ZFYVE26: variants seen among roughly 807,000 people sequenced by gnomAD.
The protein encoded by ZFYVE26 is zinc finger FYVE domain-containing protein 26.
In ZFYVE26, 181 loss-of-function variants were observed where a neutral mutation model predicts 276.5. That is an observed-to-expected ratio of 0.65 (90% CI 0.58 to 0.74). The LOEUF (loss-of-function observed/expected upper bound fraction) is 0.74, where lower values mean the gene tolerates loss of function less well. Among genes scored for constraint, ZFYVE26 ranks in the 30% least tolerant of loss-of-function variants. The pLI is 0.00. For synonymous variants in ZFYVE26, 1,129 were observed against 1,203.1 expected, an observed-to-expected ratio of 0.94 and a Z score of 1.27; for missense variants, 2,821 against 3,097.9, an observed-to-expected ratio of 0.91 and a Z score of 2.12.
chr14:67,797,891 G>T, intron 11 of ZFYVE26, 123 bp downstream of exon 11: 1 of 1,581,658 alleles, frequency 6.3e-7, no homozygotes, highest in Non-Finnish European at 8.6e-7. Flanking sequence ...GACACTGGTT[G>T]CCATGGTGAC....
Position 67,783,195 on chromosome 14 carries a change from G to A in ZFYVE26, c.3957C>T (p.Ala1319=), listed in dbSNP as rs2140223360. 1.2e-6 allele frequency: 2 copies of A among 1,612,248 alleles called. No individual in the cohort carries two copies. The highest frequency in any genetic ancestry group is 1.7e-6 in the Non-Finnish European group (2 of 1,178,716). ...TTAACCTCGGGGAAGCCCCCAGGCA[G>A]GCCACCGTAGCTAGGAGCTTTGAGC... ...KSRSKLLATV[A]CLGASPRLKV... The change falls in exon 21 of 42, where the codon GCC becomes GCT. Residue 1319 remains alanine (A), a synonymous_variant. Coordinates refer to ENST00000347230, the MANE Select transcript of ZFYVE26 (RefSeq NM_015346.4).
rs1222275315 is a variant in ZFYVE26, at chr14:67,783,029, C to T, written c.4123G>A (p.Glu1375Lys). 1.2e-6 allele frequency: 2 copies of T among 1,614,186 alleles called. No individual in the cohort carries two copies. Among genetic ancestry groups the T allele is most frequent in the South Asian group, 1.1e-5 (1 of 91,084 alleles). ...LFEAFLLAAW[E>K]PLRGSLQQGQ... ...TGCTGCAAAGACCCTCGCAGGGGCT[C>T]CCAGGCAGCCAGGAGGAAGGCCTCA... The change falls in exon 21 of 42, where the codon GAG becomes AAG. Residue 1375 changes from glutamate (E) to lysine (K), a missense_variant. By Grantham distance (56) the Glu-to-Lys change is moderately conservative. Coordinates refer to ENST00000347230, the MANE Select transcript of ZFYVE26 (RefSeq NM_015346.4).
At chr14:67,768,595 T>G (rs759976444) in intron 29 of ZFYVE26, 47 bp from the exon 30 acceptor site, 4 of 1,599,678 alleles carry the variant, frequency 2.5e-6, no homozygotes, top group Non-Finnish European at 1.7e-6. Context: ...CTGAGTCACT[T>G]CTTTGTTTTG....
chr14:67,758,697 G>T (rs1196276895), intron 35 of ZFYVE26, among the ~76,000 whole-genome samples: 1 of 151,978 alleles, frequency 6.6e-6, no homozygotes, highest in Non-Finnish European at 1.5e-5. Context: ...GTGCAGTGGC[G>T]CAATCTTGGC....
At position 67,814,063 on chromosome 14, in the gene ZFYVE26, A is replaced by G. The variant is rs1480137234; in HGVS notation, c.196T>C (p.Cys66Arg). The change falls in exon 3 of 42, where the codon TGT becomes CGT. Residue 66 changes from cysteine to arginine, a missense_variant and splice_region_variant. By Grantham distance (180) the Cys-to-Arg change is radical. Coordinates refer to ENST00000347230, the MANE Select transcript of ZFYVE26 (RefSeq NM_015346.4). ...ALVVCPNLLR[C>R]GQDINPQRVA... is the part of the protein sequence containing the mutation. ...CTTTGAGGGTTGATGTCCTGCCCAC[A>G]TCTGAAAAAGGTAAAAAGAAAGACT... 1 of 1,612,752 alleles carries G rather than the reference A, an allele frequency of 6.2e-7. No homozygotes were observed. Among genetic ancestry groups the G allele is most frequent in the Admixed American group, 1.7e-5 (1 of 59,958 alleles).
At chr14:67,790,834 G>T in intron 14 of ZFYVE26, 61 bp from the exon 15 acceptor site, 1 of 1,498,862 alleles carries the variant, frequency 6.7e-7, no homozygotes, top group Non-Finnish European at 9.3e-7. Flanking sequence ...GAATGTCCAT[G>T]GATAGGAGAT....
chr14:67,776,066 G>A lies in ZFYVE26; in HGVS notation c.5015C>T (p.Ser1672Phe), dbSNP rs1196570333. 6.2e-7 allele frequency: 1 copy of A among 1,614,216 alleles called. No individual in the cohort carries two copies. The highest frequency in any genetic ancestry group is 1.3e-5 in the African/African-American group (1 of 75,060). Residue 1672 changes from serine (S) to phenylalanine (F), a missense_variant, in exon 26 of 42, where the codon TCC (serine) becomes TTC (phenylalanine). Transcript: ENST00000347230. Reference sequence around the variant, plus strand: ...GAACAGGGGGTTAGAGGACAAGTGGGAATAGCTGGCCCGGTGCTGCTCAGG... The same window carrying A: ...GAACAGGGGGTTAGAGGACAAGTGGAAATAGCTGGCCCGGTGCTGCTCAGG... The part of the protein sequence containing the change: ...TLPEQHRASY[S>F]HLSSNPLFML...
intron 37 of ZFYVE26, among the ~76,000 whole-genome samples, chr14:67,754,761 T>C (rs2038734929): frequency 6.6e-6 from 1 of 152,138 alleles, no homozygotes; most frequent in African/African-American, 2.4e-5. Context: ...GAGATAAAGA[T>C]GGTGACATCA....
At chr14:67,784,980 A>C in intron 19 of ZFYVE26, 79 bp downstream of exon 19, 1 of 1,457,526 alleles carries the variant, frequency 6.9e-7, no homozygotes, top group Non-Finnish European at 9.6e-7. Context: ...AGAGCCTTTC[A>C]ATTGTGCATC....
intron 14 of ZFYVE26, among the ~76,000 whole-genome samples, chr14:67,792,091 G>A (rs541614624): frequency 3.4e-4 from 52 of 151,634 alleles, no homozygotes; most frequent in Non-Finnish European, 5.9e-4. Context: ...GAAAGGCTGG[G>A]GCTGGGGAGG....
At chr14:67,743,024 G>A (rs1035538124), downstream of ZFYVE26, among the ~76,000 whole-genome samples, 3 of 150,974 alleles carry the variant, frequency 2.0e-5, no homozygotes, top group African/African-American at 7.3e-5. Context: ...ATTTTTTGTA[G>A]TGAGGGTCTC....
chr14:67,793,643 A>G lies in ZFYVE26; in HGVS notation c.2518T>C (p.Cys840Arg). Reference protein sequence around the residue: ...FSPPESLLASCILRGNFAEAH... With the variant: ...FSPPESLLASRILRGNFAEAH... ...TCTGCGAAGTTCCCGCGAAGGATGC[A>G]GGATGCCAGCAGTGACTCAGGTGGG... The change falls in exon 14 of 42, where the codon TGC (cysteine) becomes CGC (arginine). Residue 840 changes from cysteine to arginine, a missense_variant. Coordinates refer to ENST00000347230, the MANE Select transcript of ZFYVE26 (RefSeq NM_015346.4). The G allele has an allele frequency of 6.2e-7, 1 of 1,613,860 alleles. No homozygotes were observed. Among genetic ancestry groups the G allele is most frequent in the Non-Finnish European group, 8.5e-7 (1 of 1,179,832 alleles).
chr14:67,766,488 G>C, intron 31 of ZFYVE26, 41 bp from the exon 32 acceptor site: 1 of 1,591,468 alleles, frequency 6.3e-7, no homozygotes, highest in Non-Finnish European at 8.6e-7. Context: ...GGTGAGTCCA[G>C]GGGCCAGAGC....
chr14:67,799,183 A>G (rs2040029028), intron 10 of ZFYVE26: 1 of 1,595,524 alleles, frequency 6.3e-7, no homozygotes, highest in Non-Finnish European at 8.6e-7. Flanking sequence ...TTGAAAAGAC[A>G]TACAAAGGTT....
At chr14:67,761,648 T>C in intron 34 of ZFYVE26, 64 bp from the exon 35 acceptor site, 1 of 1,422,726 alleles carries the variant, frequency 7.0e-7, no homozygotes, top group Non-Finnish European at 9.8e-7. Flanking sequence ...GCACTGAAAA[T>C]ATTGCTTGCA....
chr14:67,795,946 T>A (rs2039942868), intron 12 of ZFYVE26, among the ~76,000 whole-genome samples: 1 of 152,032 alleles, frequency 6.6e-6, no homozygotes, highest in Admixed American at 6.5e-5. Context: ...CTAAAAAAAA[T>A]ACTACTGAAG....
chr14:67,754,129 G>A lies in ZFYVE26; in HGVS notation c.7070C>T (p.Thr2357Ile), dbSNP rs768588853. The change falls in exon 38 of 42, where the codon ACT (threonine) becomes ATT (isoleucine). Residue 2357 changes from threonine to isoleucine, a missense_variant. By Grantham distance (89) the Thr-to-Ile change is moderately conservative (BLOSUM62 -1). Transcript: ENST00000347230. ...TCCAAACAGGGTTGGCAGAGGCAAA[G>A]TGGTGATTTGAGAGGTCCCAGCACT... ...CESAGTSQIT[T>I]LPLPTLFGNN... 1.2e-6 allele frequency: 2 copies of A among 1,614,248 alleles called. No homozygotes were observed. Among genetic ancestry groups the A allele is most frequent in the Non-Finnish European group, 1.7e-6 (2 of 1,180,048 alleles).
At chr14:67,778,751 T>C (rs2039419713) in intron 23 of ZFYVE26, among the ~76,000 whole-genome samples, 1 of 150,942 alleles carries the variant, frequency 6.6e-6, no homozygotes, top group African/African-American at 2.4e-5. Context: ...GAACTGTAGA[T>C]GAAGTTTGAG....
intron 3 of ZFYVE26, among the ~76,000 whole-genome samples, 189 bp from the exon 4 acceptor site, chr14:67,809,478 C>T (rs1285673635): frequency 7.1e-6 from 1 of 141,416 alleles, no homozygotes; most frequent in African/African-American, 2.7e-5. Flanking sequence ...GCTGGAGTAC[C>T]GTGGCATGAT....
Sources: gnomAD v4.1 joint callset for allele counts (sites outside exome capture counted in the v4.1 genomes callset) on GRCh38, gnomAD v4.1.1 for gene constraint, MANE v1.5 for transcripts, NCBI Gene and HGNC (gene_info 2026-07-23, HGNC 2026-07-21) for gene names.